CMTM7: variants seen among roughly 807,000 people sequenced by gnomAD.
The protein encoded by CMTM7 is CKLF like MARVEL transmembrane domain containing 7, also known as CKLF-like MARVEL transmembrane domain-containing protein 7.
A neutral mutation model predicts 19.3 loss-of-function variants in CMTM7; 7 were observed. The ratio of observed to expected loss-of-function variants is 0.36; its 90% confidence interval spans 0.21 to 0.68. The LOEUF is 0.68. CMTM7 is among the 30% of genes least tolerant of loss of function. The pLI is 0.60. For missense variants in CMTM7, 193 were observed against 232.6 expected (o/e 0.83, Z 1.11); for synonymous variants, 87 against 99.3 (o/e 0.88, Z 0.74).
At chr3:32,440,855 G>A (rs1696664347) in intron 1 of CMTM7, among the ~76,000 whole-genome samples, 1 of 152,232 alleles carries the variant, frequency 6.6e-6, no homozygotes, top group African/African-American at 2.4e-5. Context: ...TGTGTTACTG[G>A]TTTGTTCCCT....
At chr3:32,436,186 T>C (rs1440329920) in intron 1 of CMTM7, among the ~76,000 whole-genome samples, 1 of 152,092 alleles carries the variant, frequency 6.6e-6, no homozygotes, top group African/African-American at 2.4e-5. Context: ...AAAACAAAAC[T>C]ATGTGCTGGG....
At chr3:32,412,536 C>T (rs1162996434) in intron 1 of CMTM7, among the ~76,000 whole-genome samples, 5 of 90,160 alleles carry the variant, frequency 5.5e-5, no homozygotes, top group African/African-American at 1.5e-4. Flanking sequence ...CACACACACA[C>T]ACACTGCATC....
intron 1 of CMTM7, among the ~76,000 whole-genome samples, chr3:32,416,463 T>C: frequency 9.2e-6 from 1 of 109,024 alleles, no homozygotes; most frequent in Non-Finnish European, 1.8e-5. Flanking sequence ...CAATCTCGGC[T>C]CACTGCAAGC....
intron 1 of CMTM7, among the ~76,000 whole-genome samples, chr3:32,397,740 A>T (rs1695940304): frequency 6.6e-6 from 1 of 152,146 alleles, no homozygotes; most frequent in Non-Finnish European, 1.5e-5. Context: ...CTCAAAAAAA[A>T]AAAAAAATTA....
At chr3:32,453,901 G>A (rs1696871109) in intron 4 of CMTM7, among the ~76,000 whole-genome samples, 1 of 152,168 alleles carries the variant, frequency 6.6e-6, no homozygotes. Flanking sequence ...AAGTTAATAG[G>A]TGGTGTCTAA....
At chr3:32,430,835 A>G (rs1398696337) in intron 1 of CMTM7, among the ~76,000 whole-genome samples, 4 of 152,172 alleles carry the variant, frequency 2.6e-5, no homozygotes, top group African/African-American at 7.2e-5. Context: ...ACTTTGCACC[A>G]GGGTGATGGT....
In CMTM7 at chr3:32,454,730, T is replaced by C. The variant is rs1696885256; in HGVS notation, c.*476T>C. The C allele has an allele frequency of 9.1e-6, 3 of 328,892 alleles. No homozygotes were observed. The highest frequency in any genetic ancestry group is 2.2e-5 in the African/African-American group (1 of 46,318). 20.4% of individuals were successfully genotyped at this position (328,892 alleles called of 1,614,324 possible). A position where few individuals can be genotyped will look rare whatever the true frequency, so the allele number is the denominator to read the frequency against. On this transcript the variant is annotated 3_prime_UTR_variant, in exon 5 of 5. Transcript: ENST00000334983. ...AAGTGAGGCGTGCCTGTAGAAACAC[T>C]ATGTGGTCAGCCTGTCCCCAAGGAG...
At chr3:32,423,988 T>C (rs565066281) in intron 1 of CMTM7, among the ~76,000 whole-genome samples, 1 of 152,370 alleles carries the variant, frequency 6.6e-6, no homozygotes, top group South Asian at 2.1e-4. Flanking sequence ...CTTTAAGTGC[T>C]TGTTCCATAA....
At chr3:32,448,675 G>A (rs760995284) in intron 2 of CMTM7, among the ~76,000 whole-genome samples, 8 of 152,142 alleles carry the variant, frequency 5.3e-5, no homozygotes, top group Non-Finnish European at 1.0e-4. Context: ...CATGGCCCAT[G>A]GGCCAAGGCG....
intron 1 of CMTM7, among the ~76,000 whole-genome samples, chr3:32,400,801 A>G (rs1053054810): frequency 2.0e-4 from 30 of 152,150 alleles, no homozygotes; most frequent in African/African-American, 7.2e-4. Context: ...GGTTGTGTGT[A>G]CCATGGTACA....
chr3:32,403,318 G>T (rs1696037607), intron 1 of CMTM7, among the ~76,000 whole-genome samples: 1 of 152,074 alleles, frequency 6.6e-6, no homozygotes, highest in Non-Finnish European at 1.5e-5. Context: ...GGGCTCAAGC[G>T]ATCTTCCTGG....
At chr3:32,408,352 T>C (rs1248015007) in intron 1 of CMTM7, among the ~76,000 whole-genome samples, 4 of 152,218 alleles carry the variant, frequency 2.6e-5, no homozygotes, top group Non-Finnish European at 5.9e-5. Flanking sequence ...ATCTTCAACA[T>C]TGTAGACTGT....
rs562503344 is a variant in CMTM7, at chr3:32,437,262, C to T, written c.160-4578C>T. Among the ~76,000 whole-genome samples the T allele has an allele frequency of 1.1e-4, 16 of 152,224 alleles. No individual in the cohort carries two copies. In the South Asian group the frequency reaches 3.1e-3, roughly 30 times the overall value. On this transcript the variant is annotated intron_variant, in intron 1 of 4. Coordinates refer to ENST00000334983, the MANE Select transcript of CMTM7 (RefSeq NM_138410.4). ...GTGGTATCATGGCTGGTCTGTGGGA[C>T]CCTTGCTTTGAGTTGAGGGCTCTTG...
At chr3:32,403,403 C>A (rs551487295) in intron 1 of CMTM7, among the ~76,000 whole-genome samples, 1 of 152,176 alleles carries the variant, frequency 6.6e-6, no homozygotes, top group African/African-American at 2.4e-5. Context: ...TGTAGAGACA[C>A]GGTTTTGCCG....
rs931328316 is a variant in CMTM7 at position 32,454,608 on chromosome 3, A to T, written c.*354A>T. The T allele has an allele frequency of 2.2e-5, 10 of 454,216 alleles. No individual in the cohort carries two copies. Among genetic ancestry groups the T allele is most frequent in the African/African-American group, 2.0e-4 (10 of 50,414 alleles). 28.1% of individuals were successfully genotyped at this position (454,216 alleles called of 1,614,324 possible). A position where few individuals can be genotyped will look rare whatever the true frequency, so the allele number is the denominator to read the frequency against. On this transcript the variant is annotated 3_prime_UTR_variant, in exon 5 of 5. Coordinates refer to ENST00000334983, the MANE Select transcript of CMTM7 (RefSeq NM_138410.4). ...GAATACTCCCGCCTAAATCCCTTCT[A>T]CTTCACTCCTCAGGGGAGTGAAGTG...
At position 32,442,696 on chromosome 3, in the gene CMTM7, G is replaced by A. The variant is rs989041697; in HGVS notation, c.333+683G>A. ...AGGATTTTCTGGCTAAAAGAGACTA[G>A]TGGGGGCTGAGGAGACAGTCAGAAG... On this transcript the variant is annotated intron_variant, in intron 2 of 4. Transcript: ENST00000334983. Among the ~76,000 whole-genome samples the A allele has an allele frequency of 2.0e-5, 3 of 152,154 alleles. No homozygotes were observed. The East Asian group carries it at 5.8e-4, about 29-fold the overall frequency.
At chr3:32,432,959 C>T (rs187271153) in intron 1 of CMTM7, among the ~76,000 whole-genome samples, 34 of 152,278 alleles carry the variant, frequency 2.2e-4, no homozygotes, top group Non-Finnish European at 5.9e-5. Context: ...TCCTTTCGCT[C>T]CCATGCCTAT....
chr3:32,444,535 G>A (rs542806413), intron 2 of CMTM7, among the ~76,000 whole-genome samples: 6 of 152,080 alleles, frequency 3.9e-5, no homozygotes, highest in Non-Finnish European at 7.4e-5. Flanking sequence ...GATTTGGATC[G>A]TTACAATTCC....
rs539266397 is a variant in CMTM7 at position 32,434,467 on chromosome 3, T to A, written c.160-7373T>A. On this transcript the variant is annotated intron_variant, in intron 1 of 4. Coordinates refer to ENST00000334983, the MANE Select transcript of CMTM7 (RefSeq NM_138410.4). ...GCATACCACCATGCCTGGCCAATTTTAAAAATTTTTTTTTTTTGTAGAGAT... is the reference window on the plus strand; with the variant it reads ...GCATACCACCATGCCTGGCCAATTTAAAAAATTTTTTTTTTTTGTAGAGAT... Among the ~76,000 whole-genome samples, 428 of 145,316 alleles carry A rather than the reference T, an allele frequency of 2.9e-3. 2 individuals are homozygous for A. The highest frequency in any genetic ancestry group is 9.6e-3 in the African/African-American group (378 of 39,208).
Sources: gnomAD v4.1 joint callset for allele counts (sites outside exome capture counted in the v4.1 genomes callset) on GRCh38, gnomAD v4.1.1 for gene constraint, MANE v1.5 for transcripts, NCBI Gene and HGNC (gene_info 2026-07-23, HGNC 2026-07-21) for gene names.